Variants in PDS5B observed in about 807,000 individuals in gnomAD.
PDS5B encodes the protein sister chromatid cohesion protein PDS5 homolog B.
A neutral mutation model predicts 184.1 loss-of-function variants in PDS5B; 51 were observed. The ratio of observed to expected loss-of-function variants is 0.28; its 90% CI spans 0.22 to 0.35. PDS5B has a LOEUF of 0.35. Ranked by LOEUF, PDS5B falls within the 10% of genes least tolerant of loss-of-function variation. PDS5B has a pLI of 1.00. For missense variants in PDS5B, 1,180 were observed against 1,723.3 expected (o/e 0.68, Z 5.58); for synonymous variants, 566 against 569.2 (o/e 0.99, Z 0.08).
intron 11 of PDS5B, among the ~76,000 whole-genome samples, chr13:32,685,065 A>C (rs530639742): frequency 6.6e-6 from 1 of 152,192 alleles, no homozygotes; most frequent in Admixed American, 6.5e-5. Context: ...GTGAGCTGAG[A>C]TTGTGCCACT....
At chr13:32,691,716 A>C (rs1403065569) in intron 13 of PDS5B, among the ~76,000 whole-genome samples, 5 of 152,148 alleles carry the variant, frequency 3.3e-5, no homozygotes, top group African/African-American at 1.2e-4. Context: ...GTTCATAATC[A>C]CTAGTATATA....
At chr13:32,630,757 G>T (rs1238263962) in intron 1 of PDS5B, among the ~76,000 whole-genome samples, 2 of 150,036 alleles carry the variant, frequency 1.3e-5, no homozygotes, top group African/African-American at 2.4e-5. Context: ...GTCCTTTCCA[G>T]TCTTTGCAAG....
chr13:32,600,173 T>G (rs1354348038), intron 1 of PDS5B, among the ~76,000 whole-genome samples: 2 of 152,220 alleles, frequency 1.3e-5, no homozygotes, highest in Non-Finnish European at 2.9e-5. Flanking sequence ...ATTTTTCTTT[T>G]AAGTCTTTGA....
At chr13:32,744,844 G>A (rs1953688424) in intron 23 of PDS5B, among the ~76,000 whole-genome samples, 1 of 152,030 alleles carries the variant, frequency 6.6e-6, no homozygotes, top group Non-Finnish European at 1.5e-5. Context: ...TTAAGTCTTG[G>A]AAAACTAAGA....
chr13:32,648,951 T>C, intron 2 of PDS5B, 71 bp downstream of exon 2: 1 of 774,238 alleles, frequency 1.3e-6, no homozygotes, highest in Non-Finnish European at 2.3e-6. Flanking sequence ...CATGGGGCTA[T>C]AATGTATCTT....
intron 10 of PDS5B, among the ~76,000 whole-genome samples, chr13:32,680,544 T>C (rs985408527): frequency 1.3e-5 from 2 of 152,252 alleles, no homozygotes; most frequent in African/African-American, 4.8e-5. Context: ...CCCTTTTGGG[T>C]ATGGTATCCA....
chr13:32,589,177 A>G (rs944936812), intron 1 of PDS5B, among the ~76,000 whole-genome samples: 3 of 152,186 alleles, frequency 2.0e-5, no homozygotes, highest in Admixed American at 1.3e-4. Context: ...TTAGGTTCAG[A>G]TTTTAATTTC....
At chr13:32,682,464 T>C (rs904235934) in intron 10 of PDS5B, among the ~76,000 whole-genome samples, 2 of 152,238 alleles carry the variant, frequency 1.3e-5, no homozygotes, top group African/African-American at 4.8e-5. Flanking sequence ...TATCCTGTTT[T>C]GTTAATTTAT....
At chr13:32,767,080 A>C (rs1197539871) in intron 31 of PDS5B, among the ~76,000 whole-genome samples, 1 of 152,168 alleles carries the variant, frequency 6.6e-6, no homozygotes, top group Non-Finnish European at 1.5e-5. Flanking sequence ...TCTCCTTAGA[A>C]TGTAAGGATA....
rs143062185 is a variant in PDS5B at position 32,589,954 on chromosome 13, A to G, written c.-20+3361A>G. On this transcript the variant is annotated intron_variant, in intron 1 of 34. Coordinates refer to ENST00000315596, the MANE Select transcript of PDS5B (RefSeq NM_015032.4). The stretch of plus-strand genomic sequence containing the variant: ...ATCCTTTCTCATTAATTAGTTCAGA[A>G]TTAAGAATAAATTTGCTGTGTTGAG... Among the ~76,000 whole-genome samples, 701 of 152,314 alleles carry G rather than the reference A, an allele frequency of 4.6e-3. 6 individuals carry two copies. Among genetic ancestry groups the G allele is most frequent in the African/African-American group, 0.015 (644 of 41,566 alleles).
intron 19 of PDS5B, among the ~76,000 whole-genome samples, chr13:32,716,299 G>A (rs1450840881): frequency 6.6e-6 from 1 of 151,348 alleles, no homozygotes; most frequent in Non-Finnish European, 1.5e-5. Context: ...TGTGGGGAGC[G>A]CCTCTGCCCT....
At chr13:32,644,230 G>A (rs551469582) in intron 1 of PDS5B, among the ~76,000 whole-genome samples, 21 of 152,174 alleles carry the variant, frequency 1.4e-4, no homozygotes, top group African/African-American at 5.1e-4. Context: ...TTCAACTTAG[G>A]ACAATTTTTT....
At chr13:32,626,533 T>G (rs949371409) in intron 1 of PDS5B, among the ~76,000 whole-genome samples, 2 of 152,218 alleles carry the variant, frequency 1.3e-5, no homozygotes, top group African/African-American at 4.8e-5. Context: ...TTTTGCCTCC[T>G]GCTTTTCTAG....
At chr13:32,638,048 C>T (rs957472956) in intron 1 of PDS5B, among the ~76,000 whole-genome samples, 2 of 152,102 alleles carry the variant, frequency 1.3e-5, no homozygotes, top group Non-Finnish European at 2.9e-5. Context: ...TCTGTGGTCA[C>T]CTGGTGATTT....
intron 1 of PDS5B, among the ~76,000 whole-genome samples, chr13:32,603,176 A>G (rs1298255611): frequency 6.6e-6 from 1 of 152,204 alleles, no homozygotes; most frequent in South Asian, 2.1e-4. Context: ...GCCCATGCCT[A>G]TGTCCTGAAT....
chr13:32,598,992 G>C (rs919892474), intron 1 of PDS5B, among the ~76,000 whole-genome samples: 1 of 151,936 alleles, frequency 6.6e-6, no homozygotes, highest in Non-Finnish European at 1.5e-5. Context: ...GGATGGTCTC[G>C]ATCTCCTGAC....
chr13:32,685,445 A>C (rs1951358623), intron 11 of PDS5B, among the ~76,000 whole-genome samples: 1 of 152,162 alleles, frequency 6.6e-6, no homozygotes, highest in South Asian at 2.1e-4. Flanking sequence ...ATCATAATGT[A>C]TATTTTTGAT....
At chr13:32,750,642 AG>A (rs1953943629) in intron 24 of PDS5B, among the ~76,000 whole-genome samples, 1 of 151,754 alleles carries the variant, frequency 6.6e-6, no homozygotes, top group Admixed American at 6.6e-5. Flanking sequence ...CCCGGGTTTA[AG>A]CGATTCTCCT....
chr13:32,741,253 A>C (rs1045071635), intron 22 of PDS5B, 105 bp downstream of exon 22: 2 of 646,254 alleles, frequency 3.1e-6, no homozygotes, highest in African/African-American at 3.8e-5. Flanking sequence ...AAGTCACTCA[A>C]GTATTTACAT....
Sources: allele counts gnomAD v4.1 joint callset (sites outside exome capture counted in the v4.1 genomes callset), GRCh38; gene constraint gnomAD v4.1.1; transcripts MANE v1.5; gene names NCBI Gene and HGNC (gene_info 2026-07-23, HGNC 2026-07-21).